Variants in WNK1 observed in about 807,000 individuals in gnomAD.
WNK1 encodes WNK lysine deficient protein kinase 1, also known as serine/threonine-protein kinase WNK1.
A neutral mutation model predicts 222.8 loss-of-function variants in WNK1; 38 were observed. The observed-to-expected ratio is 0.17, with a 90% CI of 0.13 to 0.22. The LOEUF (loss-of-function observed/expected upper bound fraction) is 0.22, where lower values mean the gene tolerates loss of function less well. Ranked by LOEUF, WNK1 falls within the 10% of genes least tolerant of loss-of-function variation. The probability of loss-of-function intolerance (pLI) is 1.00; values close to 1 mark genes in which losing one functional copy is unlikely to be tolerated. For synonymous variants in WNK1, 1,090 were observed against 1,092.9 expected, an observed-to-expected ratio of 1.00 and a Z score of 0.05; for missense variants, 2,348 against 2,918.4, an observed-to-expected ratio of 0.80 and a Z score of 4.50.
At chr12:860,564 C>T (rs1401220449) in intron 6 of WNK1, among the ~76,000 whole-genome samples, 1 of 152,140 alleles carries the variant, frequency 6.6e-6, no homozygotes, top group African/African-American at 2.4e-5. Flanking sequence ...AGGGGAGGAG[C>T]AGTGTTAAAT....
intron 25 of WNK1, among the ~76,000 whole-genome samples, chr12:899,734 G>A (rs1248488360): frequency 1.3e-5 from 2 of 152,178 alleles, no homozygotes; most frequent in Non-Finnish European, 2.9e-5. Flanking sequence ...TTGCTCTGTA[G>A]TGACCTCCAT....
At chr12:908,287 C>G in intron 27 of WNK1, 188 bp from the exon 28 acceptor site, 3 of 758,698 alleles carry the variant, frequency 4.0e-6, no homozygotes, top group South Asian at 1.7e-5. Flanking sequence ...CAGACACACA[C>G]GCACATGACA....
Position 880,838 on chromosome 12 carries a change from G to T in WNK1, c.2950G>T (p.Val984Leu). ...CCTATCCCCTCCCATGCCGACAGAAGTACTGGCTACACCTGGGTACTTTCC... is the reference window on the plus strand; with the variant it reads ...CCTATCCCCTCCCATGCCGACAGAATTACTGGCTACACCTGGGTACTTTCC... ...TVLSPPMPTE[V>L]LATPGYFPTV... is the part of the protein sequence containing the mutation. The change falls in exon 12 of 28, where the codon GTA (valine) becomes TTA (leucine). Residue 984 changes from valine to leucine, a missense_variant. This residue lies in a region of WNK1 where 547 missense variants were observed against 558.3 expected (regional missense o/e 0.98). Transcript: ENST00000315939. The T allele has an allele frequency of 6.2e-7, 1 of 1,614,064 alleles. No homozygotes were observed. Among genetic ancestry groups the T allele is most frequent in the Non-Finnish European group, 8.5e-7 (1 of 1,180,004 alleles).
In WNK1 at chr12:777,159, TTTTTTTTTTTG is replaced by T. The variant is rs1320041054; in HGVS notation, c.759+22846_759+22856del. Reference sequence around the variant, plus strand: ...TTTTCATTTGGAGGGATTTTTTTTGTTTTTTTTTTTGTTTTTTTTTTTGAGATGGAGTCTCG... The same window carrying T: ...TTTTCATTTGGAGGGATTTTTTTTGTTTTTTTTTTTTGAGATGGAGTCTCG... On this transcript the variant is annotated intron_variant, in intron 1 of 27. Transcript: ENST00000315939. 2.7e-3 allele frequency among the ~76,000 whole-genome samples: 300 copies of T among 112,880 alleles called. 1 individual carries two copies. Among genetic ancestry groups the T allele is most frequent in the African/African-American group, 0.013 (275 of 21,590 alleles). 74.1% of individuals were successfully genotyped at this position (112,880 alleles called of 152,430 possible).
At position 885,573 on chromosome 12, in the gene WNK1, C is replaced by A; in HGVS notation, c.4769C>A (p.Ser1590Tyr). The change falls in exon 19 of 28, where the codon TCT becomes TAT. Residue 1590 changes from serine (S) to tyrosine (Y), a missense_variant. This residue lies in a region of WNK1 where 1,144 missense variants were observed against 1,273.6 expected (regional missense o/e 0.90). Transcript: ENST00000315939. ...CTTCCCCAAGCAGCAGGACCTACTT[C>A]TACACCTTTATTACCCCAAGTACCT... is the stretch of plus-strand genomic sequence containing the variant. ...PILPQAAGPT[S>Y]TPLLPQVPSI... The A allele has an allele frequency of 6.2e-7, 1 of 1,614,158 alleles. No homozygotes were observed. The highest frequency in any genetic ancestry group is 8.5e-7 in the Non-Finnish European group (1 of 1,180,014).
At chr12:847,262 C>T (rs1950088327) in intron 4 of WNK1, among the ~76,000 whole-genome samples, 1 of 152,054 alleles carries the variant, frequency 6.6e-6, no homozygotes, top group African/African-American at 2.4e-5. Context: ...AGATTGTTTT[C>T]CATATTTAAA....
In WNK1 at chr12:880,783, C is replaced by T. The variant is rs138446333; in HGVS notation, c.2895C>T (p.Asn965=). Residue 965 remains asparagine (N), a synonymous_variant, in exon 12 of 28, where the codon AAC becomes AAT. Coordinates refer to ENST00000315939, the MANE Select transcript of WNK1 (RefSeq NM_018979.4). ...PGDSNIAPSS[N]VASVCIHSTV... is the part of the protein sequence containing the mutation. Reference sequence around the variant, plus strand: ...ATTCAAATATTGCTCCCTCTTCCAACGTGGCTTCTGTTTGCATCCATTCTA... The same window carrying T: ...ATTCAAATATTGCTCCCTCTTCCAATGTGGCTTCTGTTTGCATCCATTCTA... 570 of 1,614,118 alleles carry T rather than the reference C, an allele frequency of 3.5e-4. 3 individuals carry two copies. Among genetic ancestry groups the T allele is most frequent in the Admixed American group, 1.5e-4 (9 of 60,000 alleles).
At chr12:906,934 G>A (rs1955748495) in intron 26 of WNK1, 1 of 181,080 alleles carries the variant, frequency 5.5e-6, no homozygotes. Context: ...TACTTGGGAG[G>A]CTGAGGCAGG....
At chr12:769,497 TA>T (rs965288745) in intron 1 of WNK1, among the ~76,000 whole-genome samples, 6 of 152,286 alleles carry the variant, frequency 3.9e-5, no homozygotes, top group African/African-American at 1.4e-4. Context: ...CCACAATGCC[TA>T]GCCCCTTCTG....
intron 6 of WNK1, among the ~76,000 whole-genome samples, 168 bp downstream of exon 6, chr12:859,632 G>GTGTGTGTGTGGT (rs369513114): frequency 6.4e-4 from 79 of 122,602 alleles, no homozygotes; most frequent in East Asian, 1.2e-3. Flanking sequence ...GTGTGTGTGT[G>GTGTGTGTGTGGT]TTTTTTTTTT....
Position 904,432 on chromosome 12 carries a change from G to A in WNK1, c.6644-3415G>A, listed in dbSNP as rs1338900505. The A allele has an allele frequency of 2.3e-6, 3 of 1,288,522 alleles. No homozygotes were observed. The South Asian group carries it at 3.7e-5, about 16-fold the overall frequency. The allele number at this position is 1,288,522 out of a possible 1,614,324, so 79.8% of individuals were successfully genotyped here. A position where few individuals can be genotyped will look rare whatever the true frequency, so the allele number is the denominator to read the frequency against. On this transcript the variant is annotated intron_variant, in intron 26 of 27. Coordinates refer to ENST00000315939, the MANE Select transcript of WNK1 (RefSeq NM_018979.4). ...GATGTTTCTTTATCTTTAACACATTGCTTCTCTCTTTGTGCTTCAGGGAAG... is the reference window on the plus strand; with the variant it reads ...GATGTTTCTTTATCTTTAACACATTACTTCTCTCTTTGTGCTTCAGGGAAG...
intron 4 of WNK1, among the ~76,000 whole-genome samples, chr12:853,295 G>C (rs33954292): frequency 1.3e-5 from 2 of 151,934 alleles, no homozygotes; most frequent in Admixed American, 1.3e-4. Flanking sequence ...TATCTTTTGC[G>C]CAGTGAGTAT....
chr12:769,793 G>T (rs905887296), intron 1 of WNK1, among the ~76,000 whole-genome samples: 1 of 152,068 alleles, frequency 6.6e-6, no homozygotes, highest in Non-Finnish European at 1.5e-5. Flanking sequence ...AGTTCTGTAG[G>T]CCTAGAAGTC....
chr12:901,416 A>G (rs1352764911), intron 26 of WNK1: 4 of 373,330 alleles, frequency 1.1e-5, no homozygotes, highest in Non-Finnish European at 1.9e-5. Flanking sequence ...CATCTCTTAC[A>G]TATCTGACCT....
chr12:853,696 A>T (rs1308923967), intron 4 of WNK1, among the ~76,000 whole-genome samples: 1 of 152,254 alleles, frequency 6.6e-6, no homozygotes, highest in Non-Finnish European at 1.5e-5. Flanking sequence ...ATTAATACAT[A>T]GTTTTATTGC....
chr12:789,721 GT>G (rs1207082690), intron 1 of WNK1, among the ~76,000 whole-genome samples: 1 of 151,928 alleles, frequency 6.6e-6, no homozygotes, highest in East Asian at 1.9e-4. Flanking sequence ...AAAGCATAGA[GT>G]TTTCAGGATG....
chr12:885,604 C>A lies in WNK1; in HGVS notation c.4800C>A (p.Ile1600=). The A allele has an allele frequency of 6.2e-7, 1 of 1,614,136 alleles. No individual in the cohort carries two copies. The highest frequency in any genetic ancestry group is 1.6e-4 in the Middle Eastern group (1 of 6,062). The change falls in exon 19 of 28, where the codon ATC becomes ATA. Residue 1600 remains isoleucine, a synonymous_variant. Coordinates refer to ENST00000315939, the MANE Select transcript of WNK1 (RefSeq NM_018979.4). ...STPLLPQVPS[I]PPLVQPVANV... ...CTTTATTACCCCAAGTACCTAGTAT[C>A]CCACCCTTGGTACAGCCTGTTGCCA...
In WNK1 at chr12:830,010, A is replaced by G. The variant is rs1472444613; in HGVS notation, c.1161A>G (p.Pro387=). ...ASFAKSVIGT[P]EFMAPEMYEE... The stretch of plus-strand genomic sequence containing the variant: ...TCGTTCTTTTAATTTAAGGTACCCC[A>G]GAGTTCATGGCCCCTGAGATGTATG... Residue 387 remains proline, a synonymous_variant, in exon 4 of 28, where the codon CCA becomes CCG. Coordinates refer to ENST00000315939, the MANE Select transcript of WNK1 (RefSeq NM_018979.4). 1.2e-6 allele frequency: 2 copies of G among 1,614,150 alleles called. No individual in the cohort carries two copies. Among genetic ancestry groups the G allele is most frequent in the Admixed American group, 1.7e-5 (1 of 60,020 alleles).
At chr12:819,290 C>T (rs1947644044) in intron 2 of WNK1, among the ~76,000 whole-genome samples, 1 of 152,044 alleles carries the variant, frequency 6.6e-6, no homozygotes, top group Non-Finnish European at 1.5e-5. Flanking sequence ...CTATAGGTTG[C>T]CTTTTTTGCT....
Sources: allele counts gnomAD v4.1 joint callset (sites outside exome capture counted in the v4.1 genomes callset), GRCh38; gene constraint gnomAD v4.1.1; regional missense constraint gnomAD v4.1.1; transcripts MANE v1.5; gene names NCBI Gene and HGNC (gene_info 2026-07-23, HGNC 2026-07-21).